Variants in ANKAR observed in about 807,000 individuals in gnomAD.
ANKAR encodes the protein ankyrin and armadillo repeat-containing protein.
In ANKAR, 136 loss-of-function variants were observed where a neutral mutation model predicts 146.2. The observed-to-expected ratio is 0.93, with a 90% confidence interval of 0.81 to 1.07. The LOEUF is 1.07. ANKAR is among the 50% of genes least tolerant of loss of function. The probability of loss-of-function intolerance (pLI) is 0.00; values close to 1 mark genes in which losing one functional copy is unlikely to be tolerated. For synonymous variants in ANKAR, 500 were observed against 575.8 expected (o/e 0.87, Z 1.88); for missense variants, 1,567 against 1,679.9 (o/e 0.93, Z 1.18).
At chr2:189,696,631 T>A (rs2037250167) in intron 7 of ANKAR, among the ~76,000 whole-genome samples, 1 of 152,222 alleles carries the variant, frequency 6.6e-6, no homozygotes, top group Admixed American at 6.5e-5. Context: ...TAGCCTACTT[T>A]ATTTGCCGTG....
intron 10 of ANKAR, 77 bp downstream of exon 10, chr2:189,711,230 A>G: frequency 2.7e-6 from 3 of 1,125,442 alleles, no homozygotes; most frequent in Non-Finnish European, 2.5e-6. Context: ...ATTTTTAAAT[A>G]TATTTTTAAT....
At chr2:189,695,765 A>T (rs971106574) in intron 6 of ANKAR, among the ~76,000 whole-genome samples, 3 of 152,214 alleles carry the variant, frequency 2.0e-5, no homozygotes, top group African/African-American at 7.2e-5. Flanking sequence ...ATTAGTCAGA[A>T]TGTCTAAAGA....
At chr2:189,689,498 A>C (rs2036104442) in intron 2 of ANKAR, 29 bp from the exon 3 acceptor site, 1 of 1,511,128 alleles carries the variant, frequency 6.6e-7, no homozygotes. Flanking sequence ...AATTTTCACT[A>C]TCTAAAATTT....
At chr2:189,754,352 A>G in intron 18 of ANKAR, 1 of 1,588,678 alleles carries the variant, frequency 6.3e-7, no homozygotes, top group Admixed American at 1.8e-5. Context: ...CCACCTATCA[A>G]AGAAACATAT....
chr2:189,684,306 T>A (rs541616666), intron 2 of ANKAR, among the ~76,000 whole-genome samples: 1 of 152,124 alleles, frequency 6.6e-6, no homozygotes, highest in Non-Finnish European at 1.5e-5. Context: ...TTATTGCTAC[T>A]CATTTTTTGA....
intron 18 of ANKAR, among the ~76,000 whole-genome samples, chr2:189,753,438 C>T (rs1353167987): frequency 6.6e-6 from 1 of 152,058 alleles, no homozygotes; most frequent in Non-Finnish European, 1.5e-5. Context: ...TTTGTCAAGG[C>T]TTTTAAGCAC....
chr2:189,720,521 C>G (rs566899944), intron 11 of ANKAR, 98 bp from the exon 12 acceptor site: 1 of 781,610 alleles, frequency 1.3e-6, no homozygotes, highest in South Asian at 4.5e-5. Flanking sequence ...GCTGGGATTA[C>G]AGGCGTGAGC....
intron 15 of ANKAR, 74 bp downstream of exon 15, chr2:189,728,895 A>T: frequency 7.1e-7 from 1 of 1,417,842 alleles, no homozygotes; most frequent in South Asian, 1.3e-5. Context: ...GTGGAAATTA[A>T]TCTCTCTTCC....
At chr2:189,717,347 C>A (rs1007236936) in intron 10 of ANKAR, among the ~76,000 whole-genome samples, 2 of 152,202 alleles carry the variant, frequency 1.3e-5, no homozygotes, top group Non-Finnish European at 2.9e-5. Context: ...CGCTCATCAT[C>A]ACTGGCCATC....
chr2:189,693,913 T>C (rs543945049), intron 5 of ANKAR, among the ~76,000 whole-genome samples: 1 of 152,188 alleles, frequency 6.6e-6, no homozygotes, highest in East Asian at 1.9e-4. Context: ...CATGCCTGGC[T>C]AATTTTTGTA....
chr2:189,744,259 C>A (rs2043749108), intron 21 of ANKAR, among the ~76,000 whole-genome samples: 1 of 152,024 alleles, frequency 6.6e-6, no homozygotes, highest in Admixed American at 6.5e-5. Flanking sequence ...CTTTGAAAAG[C>A]CGAAAGTCTA....
chr2:189,733,882 C>T (rs867978726), intron 17 of ANKAR, among the ~76,000 whole-genome samples: 2 of 151,510 alleles, frequency 1.3e-5, no homozygotes, highest in South Asian at 2.1e-4. Flanking sequence ...TCTCACATTA[C>T]ATCTAAATGT....
At chr2:189,753,347 A>C (rs1008170308) in intron 18 of ANKAR, among the ~76,000 whole-genome samples, 1 of 152,182 alleles carries the variant, frequency 6.6e-6, no homozygotes, top group African/African-American at 2.4e-5. Flanking sequence ...TCCATCTATG[A>C]ATTACTACCA....
rs1391433270 is a variant in ANKAR at position 189,719,775 on chromosome 2, A to G, written c.2428A>G (p.Ile810Val). The G allele has an allele frequency of 6.3e-7, 1 of 1,598,946 alleles. No homozygotes were observed. Among genetic ancestry groups the G allele is most frequent in the Non-Finnish European group, 8.6e-7 (1 of 1,168,202 alleles). The change falls in exon 11 of 23, where the codon ATT becomes GTT. Residue 810 changes from isoleucine to valine, a missense_variant. Transcript: ENST00000684021. The stretch of plus-strand genomic sequence containing the variant: ...TCGCTGTGCTGTCATTCTATATGAT[A>G]TTGCTCAATGTGAAAACAAGGATGT... ...HSRCAVILYD[I>V]AQCENKDVIA...
At chr2:189,678,014 A>T (rs941594626) in intron 2 of ANKAR, among the ~76,000 whole-genome samples, 1 of 152,302 alleles carries the variant, frequency 6.6e-6, no homozygotes, top group African/African-American at 2.4e-5. Flanking sequence ...GAATCTCTAT[A>T]CTGTTTTCCA....
At chr2:189,693,588 G>A (rs2036753053) in intron 5 of ANKAR, among the ~76,000 whole-genome samples, 1 of 152,274 alleles carries the variant, frequency 6.6e-6, no homozygotes, top group East Asian at 1.9e-4. Context: ...AAATAAGGAA[G>A]TTTTGCTTGT....
intron 10 of ANKAR, among the ~76,000 whole-genome samples, chr2:189,712,879 A>G (rs1363112228): frequency 6.6e-6 from 1 of 152,240 alleles, no homozygotes; most frequent in African/African-American, 2.4e-5. Flanking sequence ...CCCTTGAAAA[A>G]AGATTAAATG....
intron 19 of ANKAR, among the ~76,000 whole-genome samples, chr2:189,739,513 T>G (rs1214914593): frequency 6.6e-6 from 1 of 152,050 alleles, no homozygotes. Flanking sequence ...ATTAATTCAA[T>G]GTTATAGTAA....
chr2:189,704,259 A>C (rs2038512411), intron 7 of ANKAR, among the ~76,000 whole-genome samples: 1 of 151,222 alleles, frequency 6.6e-6, no homozygotes, highest in Non-Finnish European at 1.5e-5. Context: ...CTCCTGCCTC[A>C]GCCTTCCAAA....
Sources: gnomAD v4.1 joint callset for allele counts (sites outside exome capture counted in the v4.1 genomes callset) on GRCh38, gnomAD v4.1.1 for gene constraint, MANE v1.5 for transcripts, NCBI Gene and HGNC (gene_info 2026-07-23, HGNC 2026-07-21) for gene names.